Variants in GPC6 observed in about 807,000 individuals in gnomAD.
The protein encoded by GPC6 is glypican-6.
A neutral mutation model predicts 55.2 loss-of-function variants in GPC6; 14 were observed. The ratio of observed to expected loss-of-function variants is 0.25; its 90% CI spans 0.17 to 0.40. The LOEUF (loss-of-function observed/expected upper bound fraction) is 0.40. Ranked by LOEUF, GPC6 falls within the 10% of genes least tolerant of loss-of-function variation. The pLI is 1.00. For synonymous variants in GPC6, 278 were observed against 259.6 expected, an observed-to-expected ratio of 1.07 and a Z score of -0.68; for missense variants, 641 against 708.5, an observed-to-expected ratio of 0.90 and a Z score of 1.08.
At chr13:94,055,538 G>C (rs1884101129) in intron 4 of GPC6, among the ~76,000 whole-genome samples, 1 of 152,138 alleles carries the variant, frequency 6.6e-6, no homozygotes, top group Non-Finnish European at 1.5e-5. Flanking sequence ...TAGAGTACTT[G>C]AAAAGAATAG....
At chr13:94,085,912 A>T (rs1264406266) in intron 4 of GPC6, among the ~76,000 whole-genome samples, 1 of 152,196 alleles carries the variant, frequency 6.6e-6, no homozygotes, top group East Asian at 1.9e-4. Context: ...ACTTCAATTT[A>T]TATAATATAT....
intron 2 of GPC6, among the ~76,000 whole-genome samples, chr13:93,557,439 C>A (rs1350034158): frequency 6.6e-6 from 1 of 152,020 alleles, no homozygotes; most frequent in Non-Finnish European, 1.5e-5. Flanking sequence ...TAAATTCTTC[C>A]ATTAAGTAAT....
At chr13:93,405,884 T>C (rs527832352) in intron 1 of GPC6, among the ~76,000 whole-genome samples, 1 of 152,350 alleles carries the variant, frequency 6.6e-6, no homozygotes, top group South Asian at 2.1e-4. Flanking sequence ...GGCCCCTTCA[T>C]GCAGCTGCAT....
chr13:94,101,250 G>A lies in GPC6; in HGVS notation c.877+73356G>A, dbSNP rs148685319. On this transcript the variant is annotated intron_variant, in intron 4 of 8. Transcript: ENST00000377047. The stretch of plus-strand genomic sequence containing the variant: ...CTGTGGGAGAACCTAATAAGCTCAG[G>A]TGAAGCGCAGCTCAACATTGGGAAC... Among the ~76,000 whole-genome samples the A allele has an allele frequency of 2.5e-3, 382 of 152,338 alleles. 2 individuals are homozygous for A. Among genetic ancestry groups the A allele is most frequent in the African/African-American group, 8.9e-3 (370 of 41,578 alleles).
At chr13:93,558,495 C>T (rs1030011987) in intron 2 of GPC6, among the ~76,000 whole-genome samples, 5 of 151,958 alleles carry the variant, frequency 3.3e-5, no homozygotes, top group African/African-American at 1.2e-4. Context: ...AGGAAGGATT[C>T]GAAACATGGA....
intron 4 of GPC6, among the ~76,000 whole-genome samples, chr13:94,097,185 T>C (rs748088435): frequency 4.0e-5 from 6 of 151,840 alleles, no homozygotes; most frequent in Non-Finnish European, 8.8e-5. Context: ...AATAAAACAA[T>C]GTACAAATAA....
At chr13:94,175,917 A>T in intron 4 of GPC6, among the ~76,000 whole-genome samples, 1 of 144,616 alleles carries the variant, frequency 6.9e-6, no homozygotes, top group African/African-American at 2.5e-5. Context: ...ATTTTCCCAA[A>T]AGGGAGTATC....
At chr13:94,246,846 AT>A (rs1891212478) in intron 4 of GPC6, among the ~76,000 whole-genome samples, 1 of 151,860 alleles carries the variant, frequency 6.6e-6, no homozygotes, top group South Asian at 2.1e-4. Flanking sequence ...CGTTGTGGCT[AT>A]TTAGGGTCTT....
intron 1 of GPC6, among the ~76,000 whole-genome samples, chr13:93,496,146 T>A (rs377065570): frequency 6.6e-6 from 1 of 152,080 alleles, no homozygotes; most frequent in Non-Finnish European, 1.5e-5. Flanking sequence ...TGCAGTTTGA[T>A]CTCAGACTGC....
chr13:94,271,380 GCGCACA>G (rs1271511530), intron 4 of GPC6, among the ~76,000 whole-genome samples: 1,436 of 112,580 alleles, frequency 0.013, 24 homozygotes, highest in African/African-American at 0.039. Flanking sequence ...GCGCGCGCGC[GCGCACA>G]CACACACACA....
chr13:93,317,525 C>T (rs1190142881), intron 1 of GPC6, among the ~76,000 whole-genome samples: 1 of 152,052 alleles, frequency 6.6e-6, no homozygotes, highest in Non-Finnish European at 1.5e-5. Flanking sequence ...TATCCACAAC[C>T]CAATGTTTTA....
rs1248537175 is a variant in GPC6 at position 93,944,214 on chromosome 13, ATTTT to A, written c.712-83512_712-83509del. ...TATTTATTTATTTATTTATTTATTT[ATTTT>A]TTCCTGACGGAGTCTTGCTCTGTCG... On this transcript the variant is annotated intron_variant, in intron 3 of 8. Transcript: ENST00000377047. Among the ~76,000 whole-genome samples, 75 of 115,278 alleles carry A rather than the reference ATTTT, an allele frequency of 6.5e-4. 1 individual carries two copies. The highest frequency in any genetic ancestry group is 4.3e-3 in the Middle Eastern group (1 of 232). 75.6% of individuals were successfully genotyped at this position (115,278 alleles called of 152,430 possible).
chr13:93,629,590 T>C (rs1324825226), intron 2 of GPC6, among the ~76,000 whole-genome samples: 2 of 152,182 alleles, frequency 1.3e-5, no homozygotes, highest in African/African-American at 4.8e-5. Flanking sequence ...TTACATACTC[T>C]CTTAGACTTA....
At chr13:93,688,003 A>T (rs1882113037) in intron 2 of GPC6, among the ~76,000 whole-genome samples, 1 of 152,112 alleles carries the variant, frequency 6.6e-6, no homozygotes. Flanking sequence ...TTAATCAGAA[A>T]AAAAAGCAAA....
At chr13:93,808,329 G>C (rs1032844137) in intron 2 of GPC6, among the ~76,000 whole-genome samples, 1 of 152,098 alleles carries the variant, frequency 6.6e-6, no homozygotes, top group African/African-American at 2.4e-5. Context: ...CTCTTGTAAA[G>C]AGCCTTATCT....
At chr13:93,909,872 C>T (rs997965311) in intron 3 of GPC6, among the ~76,000 whole-genome samples, 16 of 152,140 alleles carry the variant, frequency 1.1e-4, no homozygotes, top group African/African-American at 3.9e-4. Context: ...TCTTCCTTCT[C>T]CCTTCCTGCC....
chr13:93,679,085 A>G (rs987928595), intron 2 of GPC6, among the ~76,000 whole-genome samples: 8 of 152,114 alleles, frequency 5.3e-5, no homozygotes, highest in African/African-American at 1.9e-4. Context: ...TAATTTGGAA[A>G]GAAATTGAGA....
intron 6 of GPC6, among the ~76,000 whole-genome samples, chr13:94,316,589 C>T (rs1193429043): frequency 2.7e-5 from 4 of 150,454 alleles, no homozygotes; most frequent in Non-Finnish European, 6.0e-5. Context: ...TAGTGGCGGG[C>T]GCCTGTAGTC....
rs185341275 is a variant in GPC6, at chr13:93,333,794, G to A, written c.160+106178G>A. ...CTCAAATGATCTGCCCACCTCAGCCGCCCAAAGTGCTTAGATTACAGGCAT... is the reference window on the plus strand; with the variant it reads ...CTCAAATGATCTGCCCACCTCAGCCACCCAAAGTGCTTAGATTACAGGCAT... On this transcript the variant is annotated intron_variant, in intron 1 of 8. Coordinates refer to ENST00000377047, the MANE Select transcript of GPC6 (RefSeq NM_005708.5). 8.4e-3 allele frequency among the ~76,000 whole-genome samples: 1,273 copies of A among 152,052 alleles called. 7 individuals are homozygous for A. Among genetic ancestry groups the A allele is most frequent in the Non-Finnish European group, 0.014 (971 of 67,966 alleles).
Sources: allele counts gnomAD v4.1 joint callset (sites outside exome capture counted in the v4.1 genomes callset), GRCh38; gene constraint gnomAD v4.1.1; transcripts MANE v1.5; gene names NCBI Gene and HGNC (gene_info 2026-07-23, HGNC 2026-07-21).